The following BTD variants were observed in gnomAD, a reference collection of about 807,000 sequenced individuals.
BTD encodes biocytinase.
A neutral mutation model predicts 17.7 loss-of-function variants in BTD; 13 were observed. The observed-to-expected ratio is 0.74, with a 90% CI of 0.48 to 1.17. The LOEUF (loss-of-function observed/expected upper bound fraction) is 1.17, where lower values mean the gene tolerates loss of function less well. Among genes scored for constraint, BTD ranks in the 50% most tolerant of loss-of-function variants. BTD has a pLI of 0.00. For missense variants in BTD, 674 were observed against 650.4 expected, an observed-to-expected ratio of 1.04 and a Z score of -0.39; for synonymous variants, 240 against 245.2, an observed-to-expected ratio of 0.98 and a Z score of 0.20.
Position 15,645,432 on chromosome 3 carries a change from CTG to C in BTD, c.1518_1519del (p.Ser507LeufsTer14). On this transcript the variant is annotated frameshift_variant, in exon 4 of 4. Transcript: ENST00000643237. LOFTEE classifies it high-confidence loss of function. ...CCACTATTTCCTGAGGAAAAGTAGGCTGTCCTCTGGGCTGGTGACGGCGGCTC... is the reference window on the plus strand; with the variant it reads ...CCACTATTTCCTGAGGAAAAGTAGGCTCCTCTGGGCTGGTGACGGCGGCTC... ...NDHYFLRKSR[L>X]SSGLVTAALY... The C allele has an allele frequency of 6.2e-7, 1 of 1,613,756 alleles. No homozygotes were observed. Among genetic ancestry groups the C allele is most frequent in the East Asian group, 2.2e-5 (1 of 44,884 alleles).
intron 1 of BTD, among the ~76,000 whole-genome samples, chr3:15,605,930 C>T (rs1358533442): frequency 6.7e-6 from 1 of 150,030 alleles, no homozygotes; most frequent in East Asian, 2.0e-4. Flanking sequence ...GTAATCCCAG[C>T]TATTCGGGAG....
At chr3:15,654,938 G>T (rs1387341598), downstream of BTD, among the ~76,000 whole-genome samples, 1 of 152,102 alleles carries the variant, frequency 6.6e-6, no homozygotes, top group African/African-American at 2.4e-5. Context: ...TCTTCATGTT[G>T]GTCAGGCTGG....
chr3:15,677,938 A>G (rs564837303), intron 3 of BTD, among the ~76,000 whole-genome samples: 10 of 152,176 alleles, frequency 6.6e-5, no homozygotes, highest in African/African-American at 2.2e-4. Context: ...CATTTAGCTG[A>G]AAGATCTAGG....
At chr3:15,699,995 T>C (rs935593541) in intron 3 of BTD, among the ~76,000 whole-genome samples, 1 of 152,210 alleles carries the variant, frequency 6.6e-6, no homozygotes. Context: ...CAAATGTCCA[T>C]CAATGATAGA....
At position 15,698,708 on chromosome 3, in the gene BTD, G is replaced by C. The variant is rs562025193; in HGVS notation, c.400-11352G>C. 2.0e-5 allele frequency among the ~76,000 whole-genome samples: 3 copies of C among 152,240 alleles called. No homozygotes were observed. In the East Asian group the frequency reaches 5.8e-4, roughly 29 times the overall value. ...GGGATGTGAAGGACCTCTTCAGGCA[G>C]AACTACAAACCACTGCTCAATGAAA... On this transcript the variant is annotated intron_variant, in intron 3 of 3. Coordinates refer to the BTD transcript ENST00000672141.
intron 1 of BTD, among the ~76,000 whole-genome samples, chr3:15,634,061 C>G (rs2734308): frequency 0.96 from 146,531 of 152,324 alleles, 70,532 homozygotes; most frequent in East Asian, 0.99. Context: ...GAGATGGAAC[C>G]GGGTTGGGGT....
At chr3:15,663,003 A>T (rs547964308) in intron 3 of BTD, among the ~76,000 whole-genome samples, 100 of 146,170 alleles carry the variant, frequency 6.8e-4, no homozygotes, top group African/African-American at 2.0e-3. Context: ...CATGAGAAAT[A>T]TTTTTTTTTT....
In BTD at chr3:15,619,827, G is replaced by A. The variant is rs57262103; in HGVS notation, c.-16-15597G>A. Among the ~76,000 whole-genome samples, 749 of 152,296 alleles carry A rather than the reference G, an allele frequency of 4.9e-3. 6 individuals carry two copies. Among genetic ancestry groups the A allele is most frequent in the African/African-American group, 0.016 (683 of 41,550 alleles). ...TACAAAGAGAGGAATTTTACAGCTG[G>A]GCCGCCAGGGGTGACATCACATATC... On this transcript the variant is annotated intron_variant, in intron 1 of 3. Transcript: ENST00000643237.
downstream of BTD, among the ~76,000 whole-genome samples, chr3:15,655,030 G>C (rs2065858322): frequency 6.6e-6 from 1 of 152,182 alleles, no homozygotes; most frequent in African/African-American, 2.4e-5. Flanking sequence ...ACCGCGCCCG[G>C]CCTGCATCAG....
intron 1 of BTD, chr3:15,630,225 G>T: frequency 2.7e-6 from 1 of 373,864 alleles, no homozygotes; most frequent in Non-Finnish European, 3.7e-6. Context: ...AAATGGAGAA[G>T]GAAAGGGGGG....
chr3:15,627,366 G>A (rs1420457795), intron 1 of BTD, among the ~76,000 whole-genome samples: 2 of 152,212 alleles, frequency 1.3e-5, no homozygotes, highest in Non-Finnish European at 2.9e-5. Flanking sequence ...AGGACTACAA[G>A]TGCATGCCAC....
At chr3:15,606,005 T>G (rs2064438625) in intron 1 of BTD, among the ~76,000 whole-genome samples, 1 of 138,532 alleles carries the variant, frequency 7.2e-6, no homozygotes, top group Non-Finnish European at 1.5e-5. Context: ...ATTGCACCAC[T>G]GTACTCTAGC....
chr3:15,678,122 T>C (rs1022893692), intron 3 of BTD: 2 of 1,294,792 alleles, frequency 1.5e-6, no homozygotes, highest in Admixed American at 5.3e-5. Context: ...GTAAGATAAC[T>C]AGTTGAAGTC....
At chr3:15,714,789 G>A (rs1209783845), downstream of BTD, 16 of 544,168 alleles carry the variant, frequency 2.9e-5, no homozygotes, top group South Asian at 1.7e-4. Context: ...TGAGGCCTAT[G>A]GAGGTAAAAC....
At chr3:15,602,094 C>G in intron 1 of BTD, 200 bp downstream of exon 1, 1 of 1,437,392 alleles carries the variant, frequency 7.0e-7, no homozygotes, top group Non-Finnish European at 9.1e-7. Context: ...CATTTACTTA[C>G]ACGCTTTGTG....
At chr3:15,669,398 A>G (rs1342457837) in intron 3 of BTD, 1 of 152,128 alleles carries the variant, frequency 6.6e-6, no homozygotes, top group Non-Finnish European at 1.5e-5. Flanking sequence ...TTTTGATTTC[A>G]TGAATTTTTT....
chr3:15,604,712 A>G (rs4407396), intron 1 of BTD, among the ~76,000 whole-genome samples: 16,629 of 152,216 alleles, frequency 0.11, 1,104 homozygotes, highest in East Asian at 0.34. Context: ...TTCTTCTGCC[A>G]GATACCCTAA....
intron 3 of BTD, chr3:15,684,155 T>C (rs927950918): frequency 1.3e-5 from 2 of 152,252 alleles, no homozygotes; most frequent in Non-Finnish European, 1.5e-5. Context: ...CTGTATATAA[T>C]GTACTTGAGT....
chr3:15,675,845 G>T (rs1409571364), intron 3 of BTD: 1 of 1,381,682 alleles, frequency 7.2e-7, no homozygotes, highest in South Asian at 1.4e-5. Flanking sequence ...TTCAAATATG[G>T]ATCAAAAGAT....
Sources: gnomAD v4.1 joint callset for allele counts (sites outside exome capture counted in the v4.1 genomes callset) on GRCh38, gnomAD v4.1.1 for gene constraint, MANE v1.5 for transcripts, NCBI Gene and HGNC (gene_info 2026-07-23, HGNC 2026-07-21) for gene names.